The following GRIK2 variants were observed in gnomAD, a reference collection of about 807,000 sequenced individuals.
GRIK2 encodes glutamate receptor ionotropic, kainate 2.
In GRIK2, 32 loss-of-function variants were observed where a neutral mutation model predicts 100.3. The observed-to-expected ratio is 0.32, with a 90% CI of 0.24 to 0.43. GRIK2 has a LOEUF of 0.43. GRIK2 is among the 20% of genes least tolerant of loss of function. GRIK2 has a pLI of 1.00. For missense variants in GRIK2, 843 were observed against 1,114.9 expected (o/e 0.76, Z 3.47); for synonymous variants, 417 against 389.4 (o/e 1.07, Z -0.83).
At chr6:101,648,569 G>T (rs1003091104) in intron 4 of GRIK2, among the ~76,000 whole-genome samples, 6 of 151,790 alleles carry the variant, frequency 4.0e-5, no homozygotes, top group Admixed American at 3.3e-4. Context: ...TTTTTAAAGT[G>T]ATGAGCCAAC....
intron 2 of GRIK2, among the ~76,000 whole-genome samples, chr6:101,511,648 G>A (rs1237959950): frequency 3.3e-5 from 5 of 151,898 alleles, no homozygotes; most frequent in Non-Finnish European, 7.4e-5. Flanking sequence ...AATAGAAAAT[G>A]GTAGTTTTAT....
At chr6:102,043,971 C>G (rs1261778597) in intron 15 of GRIK2, among the ~76,000 whole-genome samples, 1 of 151,908 alleles carries the variant, frequency 6.6e-6, no homozygotes, top group South Asian at 2.1e-4. Context: ...TGTGAGGCCT[C>G]CCTAACCACA....
At chr6:101,580,008 C>A (rs1168414134) in intron 2 of GRIK2, among the ~76,000 whole-genome samples, 1 of 152,110 alleles carries the variant, frequency 6.6e-6, no homozygotes, top group Non-Finnish European at 1.5e-5. Flanking sequence ...TTTATCACTA[C>A]ATTTTGGAAA....
intron 2 of GRIK2, among the ~76,000 whole-genome samples, chr6:101,611,516 T>C (rs182792089): frequency 6.6e-6 from 1 of 152,006 alleles, no homozygotes; most frequent in Non-Finnish European, 1.5e-5. Context: ...ACCTGAAATA[T>C]TGACAAAGTG....
chr6:101,425,176 T>C (rs1434893891), intron 2 of GRIK2, among the ~76,000 whole-genome samples: 2 of 152,212 alleles, frequency 1.3e-5, no homozygotes, highest in Non-Finnish European at 2.9e-5. Context: ...TCTTGGTATA[T>C]ACCCAGTAAT....
intron 2 of GRIK2, among the ~76,000 whole-genome samples, chr6:101,498,480 A>C (rs1773569885): frequency 6.6e-6 from 1 of 150,972 alleles, no homozygotes; most frequent in Non-Finnish European, 1.5e-5. Context: ...TTACAGTCCC[A>C]CCAACAGTGT....
intron 2 of GRIK2, among the ~76,000 whole-genome samples, chr6:101,575,385 G>T (rs529653852): frequency 3.3e-5 from 5 of 151,848 alleles, no homozygotes; most frequent in Non-Finnish European, 7.4e-5. Flanking sequence ...CTGAAAAAAA[G>T]GTTTATTTAA....
At chr6:101,843,634 A>G (rs1480231318) in intron 10 of GRIK2, among the ~76,000 whole-genome samples, 4 of 152,298 alleles carry the variant, frequency 2.6e-5, no homozygotes, top group East Asian at 3.9e-4. Flanking sequence ...ACCACAGCAC[A>G]GGTCACGTCC....
At chr6:101,771,001 T>A (rs1449498853) in intron 7 of GRIK2, among the ~76,000 whole-genome samples, 2 of 152,182 alleles carry the variant, frequency 1.3e-5, no homozygotes, top group Non-Finnish European at 2.9e-5. Context: ...GTACCTATTA[T>A]ATTGTCTAGT....
chr6:101,679,850 T>C (rs1368431558), intron 5 of GRIK2, among the ~76,000 whole-genome samples: 2 of 152,156 alleles, frequency 1.3e-5, no homozygotes, highest in African/African-American at 4.8e-5. Flanking sequence ...AGCAATTCTC[T>C]GCCTCGGCCT....
At chr6:101,692,039 C>CAAAAAAAAAAAAAAAAAAAAAAAA (rs60210939) in intron 7 of GRIK2, among the ~76,000 whole-genome samples, 1 of 78,390 alleles carries the variant, frequency 1.3e-5, no homozygotes, top group African/African-American at 4.9e-5. Flanking sequence ...CACCCCGTCT[C>CAAAAAAAAAAAAAAAAAAAAAAAA]AAAAAAAAAA....
At chr6:101,787,983 T>C (rs958200243) in intron 7 of GRIK2, among the ~76,000 whole-genome samples, 3 of 152,138 alleles carry the variant, frequency 2.0e-5, no homozygotes, top group African/African-American at 4.8e-5. Context: ...GCCCTGCTGA[T>C]GGGTGCATAA....
chr6:101,835,763 C>T (rs952864078), intron 10 of GRIK2, among the ~76,000 whole-genome samples: 2 of 147,076 alleles, frequency 1.4e-5, no homozygotes, highest in African/African-American at 2.5e-5. Flanking sequence ...TGGCGCCCAG[C>T]CTATGAGTTT....
intron 7 of GRIK2, among the ~76,000 whole-genome samples, chr6:101,792,275 A>G (rs6902593): frequency 0.025 from 3,749 of 150,858 alleles, 158 homozygotes; most frequent in African/African-American, 0.086. Context: ...TATTTTGCTC[A>G]TTAGTTGATG....
At chr6:101,568,691 T>C (rs1278546556) in intron 2 of GRIK2, among the ~76,000 whole-genome samples, 1 of 152,082 alleles carries the variant, frequency 6.6e-6, no homozygotes, top group African/African-American at 2.4e-5. Flanking sequence ...AATTTATTTT[T>C]ATAGCCTTGT....
At chr6:101,473,684 G>A (rs1425607833) in intron 2 of GRIK2, among the ~76,000 whole-genome samples, 1 of 151,714 alleles carries the variant, frequency 6.6e-6, no homozygotes, top group African/African-American at 2.4e-5. Flanking sequence ...TGGTTTTGCT[G>A]CCAGTTATGG....
intron 2 of GRIK2, among the ~76,000 whole-genome samples, chr6:101,409,450 AAT>A (rs1301719479): frequency 6.6e-6 from 1 of 152,126 alleles, no homozygotes; most frequent in Non-Finnish European, 1.5e-5. Context: ...GTATATACAT[AAT>A]ATGTCTATCA....
chr6:101,875,380 CCTTT>C (rs1227020752), intron 11 of GRIK2, among the ~76,000 whole-genome samples: 1 of 151,512 alleles, frequency 6.6e-6, no homozygotes, highest in Non-Finnish European at 1.5e-5. Flanking sequence ...ATCGGAGCAT[CCTTT>C]CTTAGAGATA....
intron 2 of GRIK2, among the ~76,000 whole-genome samples, chr6:101,548,012 C>T (rs569955089): frequency 6.6e-6 from 1 of 152,122 alleles, no homozygotes; most frequent in South Asian, 2.1e-4. Context: ...GATTGCCATT[C>T]TAACTGGTGT....
Sources: allele counts gnomAD v4.1 joint callset (sites outside exome capture counted in the v4.1 genomes callset), GRCh38; gene constraint gnomAD v4.1.1; transcripts MANE v1.5; gene names NCBI Gene and HGNC (gene_info 2026-07-23, HGNC 2026-07-21).